SNRNP35: variants seen among roughly 807,000 people sequenced by gnomAD.
SNRNP35 encodes the protein U11/U12 small nuclear ribonucleoprotein 35 kDa protein.
In SNRNP35, 16 loss-of-function variants were observed where a neutral mutation model predicts 24.3. That is an observed-to-expected ratio of 0.66 (90% CI 0.45 to 1.00). The LOEUF (loss-of-function observed/expected upper bound fraction) is 1.00, where lower values mean the gene tolerates loss of function less well. Among genes scored for constraint, SNRNP35 ranks in the 50% least tolerant of loss-of-function variants. The probability of loss-of-function intolerance (pLI) is 0.00; values close to 1 mark genes in which losing one functional copy is unlikely to be tolerated. For missense variants in SNRNP35, 292 were observed against 327.2 expected, an observed-to-expected ratio of 0.89 and a Z score of 0.83; for synonymous variants, 106 against 124.8, an observed-to-expected ratio of 0.85 and a Z score of 1.00.
downstream of SNRNP35, among the ~76,000 whole-genome samples, chr12:123,467,088 A>C (rs1412385471): frequency 6.6e-6 from 1 of 152,236 alleles, no homozygotes; most frequent in Non-Finnish European, 1.5e-5. Flanking sequence ...GAAGAACACT[A>C]ATCTGGTCAG....
chr12:123,469,794 C>T (rs1174936404), downstream of SNRNP35, among the ~76,000 whole-genome samples: 4 of 152,010 alleles, frequency 2.6e-5, no homozygotes, highest in African/African-American at 7.2e-5. Flanking sequence ...TGACCCACTG[C>T]ACCTTGGCCC....
At chr12:123,458,901 G>C (rs1880441644) in intron 1 of SNRNP35, 2 of 150,938 alleles carry the variant, frequency 1.3e-5, no homozygotes, top group Admixed American at 1.3e-4. Flanking sequence ...GCCAGGAGGG[G>C]CAGAGTCTTA....
intron 1 of SNRNP35, among the ~76,000 whole-genome samples, chr12:123,462,238 G>C (rs2139283824): frequency 6.6e-6 from 1 of 152,284 alleles, no homozygotes. Context: ...TTCCGCAAGT[G>C]GATATGAGGG....
chr12:123,463,925 G>A (rs1417169376), intron 1 of SNRNP35, among the ~76,000 whole-genome samples: 2 of 143,866 alleles, frequency 1.4e-5, no homozygotes, highest in Non-Finnish European at 3.0e-5. Context: ...TACCTCGCCT[G>A]GCTAATTTTT....
intron 1 of SNRNP35, among the ~76,000 whole-genome samples, chr12:123,461,880 C>T (rs1438591100): frequency 6.6e-6 from 1 of 151,984 alleles, no homozygotes; most frequent in African/African-American, 2.4e-5. Context: ...CGCCACCACA[C>T]CCAGCTAATT....
intron 1 of SNRNP35, among the ~76,000 whole-genome samples, chr12:123,460,062 C>T (rs1880517876): frequency 2.0e-5 from 3 of 152,166 alleles, no homozygotes; most frequent in Non-Finnish European, 2.9e-5. Flanking sequence ...TGACTCCTGA[C>T]TTCAAATGAT....
At chr12:123,459,385 C>G (rs1880473453) in intron 1 of SNRNP35, 1 of 152,316 alleles carries the variant, frequency 6.6e-6, no homozygotes, top group South Asian at 2.1e-4. Flanking sequence ...TTACTGACCT[C>G]AAATAATCCA....
intron 1 of SNRNP35, among the ~76,000 whole-genome samples, chr12:123,463,903 A>AC (rs1880785392): frequency 6.7e-6 from 1 of 148,286 alleles, no homozygotes. Context: ...AGCTGGGATT[A>AC]AGGCGCCCAC....
rs576674403 is a variant in SNRNP35, at chr12:123,472,036, C to T, written n.1043C>T. The stretch of plus-strand genomic sequence containing the variant: ...GCTACTGAGCCTGTGACTTCAGACC[C>T]CTTGTCTGCCTGATGGATACATTCT... On this transcript the variant is annotated non_coding_transcript_exon_variant, in exon 2 of 2. Transcript: ENST00000527158. The T allele has an allele frequency of 2.7e-4, 41 of 153,762 alleles. 1 individual carries two copies. Among genetic ancestry groups the T allele is most frequent in the Non-Finnish European group, 4.8e-4 (33 of 68,990 alleles). The allele number at this position is 153,762 out of a possible 1,614,324, so 9.5% of individuals were successfully genotyped here.
intron 1 of SNRNP35, chr12:123,460,013 C>A: frequency 1.4e-6 from 1 of 731,752 alleles, no homozygotes; most frequent in South Asian, 1.6e-5. Flanking sequence ...AACAGGAGCT[C>A]TGTGTACAAT....
At position 123,465,636 on chromosome 12, in the gene SNRNP35, G is replaced by C; in HGVS notation, c.96G>C (p.Trp32Cys). ...TDEDPHDRAV[W>C]RAMLARYVPN... is the part of the protein sequence containing the mutation. The stretch of plus-strand genomic sequence containing the variant: ...AAGACCCACACGACCGCGCGGTCTG[G>C]AGGGCAATGCTGGCACGATATGTCC... The change falls in exon 2 of 2, where the codon TGG becomes TGC. Residue 32 changes from tryptophan (W) to cysteine (C), a missense_variant. Coordinates refer to ENST00000526639, the MANE Select transcript of SNRNP35 (RefSeq NM_022717.4). The surrounding 1 kb of genome is among the most constrained non-coding windows in gnomAD (Gnocchi z 4.2). The C allele has an allele frequency of 6.2e-7, 1 of 1,613,668 alleles. No homozygotes were observed. The highest frequency in any genetic ancestry group is 8.5e-7 in the Non-Finnish European group (1 of 1,179,782).
At chr12:123,462,519 T>A (rs7297035) in intron 1 of SNRNP35, among the ~76,000 whole-genome samples, 1 of 143,478 alleles carries the variant, frequency 7.0e-6, no homozygotes, top group African/African-American at 2.7e-5. Flanking sequence ...TTTTTTTTTT[T>A]CTTCTGAGAT....
rs1209444857 is a variant in SNRNP35 at position 123,465,907 on chromosome 12, T to C, written c.367T>C (p.Phe123Leu). ...DGLVIDQHEI[F>L]VDYELERTLK... The stretch of plus-strand genomic sequence containing the variant: ...CCTGGTTATTGACCAGCATGAGATA[T>C]TTGTGGACTACGAGCTGGAAAGGAC... The change falls in exon 2 of 2, where the codon TTT (phenylalanine) becomes CTT (leucine). Residue 123 changes from phenylalanine to leucine, a missense_variant. By Grantham distance (22) the Phe-to-Leu change is conservative. Coordinates refer to ENST00000526639, the MANE Select transcript of SNRNP35 (RefSeq NM_022717.4). This position sits in a 1 kb window ranked among gnomAD's most constrained non-coding sequence, Gnocchi z 4.2. 27 of 1,613,572 alleles carry C rather than the reference T, an allele frequency of 1.7e-5. No homozygotes were observed. The highest frequency in any genetic ancestry group is 2.3e-5 in the Non-Finnish European group (27 of 1,179,906).
At chr12:123,458,710 C>CTCAG in intron 1 of SNRNP35, among the ~76,000 whole-genome samples, 1 of 151,216 alleles carries the variant, frequency 6.6e-6, no homozygotes, top group East Asian at 2.0e-4. Flanking sequence ...ATTCCACTGC[C>CTCAG]TCAGCTTCCC....
At chr12:123,461,328 G>T (rs1297328688) in intron 1 of SNRNP35, among the ~76,000 whole-genome samples, 11 of 139,946 alleles carry the variant, frequency 7.9e-5, no homozygotes, top group Non-Finnish European at 1.5e-4. Flanking sequence ...GGGTTTCACT[G>T]TGTTAGCCAG....
chr12:123,463,502 C>G (rs140230464), intron 1 of SNRNP35, among the ~76,000 whole-genome samples: 1 of 149,958 alleles, frequency 6.7e-6, no homozygotes, highest in Admixed American at 6.7e-5. Context: ...CTCAACCTCC[C>G]GAGTAGCTGC....
At chr12:123,469,658 TA>T (rs1297750293), downstream of SNRNP35, among the ~76,000 whole-genome samples, 1 of 152,038 alleles carries the variant, frequency 6.6e-6, no homozygotes, top group Non-Finnish European at 1.5e-5. Flanking sequence ...CACACCCACC[TA>T]TTTTTTTATT....
chr12:123,464,563 CAT>C (rs1445739626), intron 1 of SNRNP35: 6 of 152,210 alleles, frequency 3.9e-5, no homozygotes, highest in African/African-American at 1.4e-4. Flanking sequence ...TTTTAAGTAA[CAT>C]ATTTCAGCAT....
At chr12:123,469,909 A>AT (rs1205400901), downstream of SNRNP35, 1 of 151,960 alleles carries the variant, frequency 6.6e-6, no homozygotes, top group Non-Finnish European at 1.5e-5. Flanking sequence ...ATGGTGGTTC[A>AT]TGTCTATAGT....
Sources: gnomAD v4.1 joint callset for allele counts (sites outside exome capture counted in the v4.1 genomes callset) on GRCh38, gnomAD v4.1.1 for gene constraint, Gnocchi (gnomAD v3.1) non-coding constraint, MANE v1.5 for transcripts, NCBI Gene and HGNC (gene_info 2026-07-23, HGNC 2026-07-21) for gene names.